Variants in TENM4 observed in about 807,000 individuals in gnomAD.
The protein encoded by TENM4 is teneurin transmembrane protein 4, also known as teneurin-4.
In TENM4, 82 loss-of-function variants were observed where a neutral mutation model predicts 243.3. That is an observed-to-expected ratio of 0.34 (90% CI 0.28 to 0.40). TENM4 has a LOEUF of 0.40. Ranked by LOEUF, TENM4 falls within the 10% of genes least tolerant of loss-of-function variation. The probability of loss-of-function intolerance (pLI) is 1.00; values close to 1 mark genes in which losing one functional copy is unlikely to be tolerated. For synonymous variants in TENM4, 1,412 were observed against 1,456.3 expected, an observed-to-expected ratio of 0.97 and a Z score of 0.69; for missense variants, 3,138 against 3,673.3, an observed-to-expected ratio of 0.85 and a Z score of 3.77.
At chr11:79,314,141 G>A (rs1856766386) in intron 1 of TENM4, among the ~76,000 whole-genome samples, 1 of 152,124 alleles carries the variant, frequency 6.6e-6, no homozygotes, top group South Asian at 2.1e-4. Flanking sequence ...AGAATGTGTG[G>A]CCTTGCAAGA....
intron 24 of TENM4, among the ~76,000 whole-genome samples, 151 bp from the exon 25 acceptor site, chr11:78,720,541 T>G (rs569080426): frequency 6.6e-6 from 1 of 152,350 alleles, no homozygotes; most frequent in Non-Finnish European, 1.5e-5. Flanking sequence ...CACTGATGTA[T>G]TTTATATTGG....
At chr11:79,219,431 T>C (rs753927794) in intron 2 of TENM4, among the ~76,000 whole-genome samples, 5 of 152,182 alleles carry the variant, frequency 3.3e-5, no homozygotes, top group Non-Finnish European at 5.9e-5. Flanking sequence ...CCTTGCACAA[T>C]ATGAATTGGA....
chr11:78,704,124 T>C (rs946472901), intron 27 of TENM4, among the ~76,000 whole-genome samples: 1 of 145,424 alleles, frequency 6.9e-6, no homozygotes, highest in African/African-American at 2.6e-5. Flanking sequence ...TATATATATA[T>C]ATACACGTGT....
At chr11:79,141,323 T>C (rs1862280618) in intron 4 of TENM4, among the ~76,000 whole-genome samples, 1 of 152,070 alleles carries the variant, frequency 6.6e-6, no homozygotes, top group African/African-American at 2.4e-5. Flanking sequence ...CAACTGACAC[T>C]GCATAAATTC....
chr11:79,397,873 G>A (rs1369660890), intron 1 of TENM4, among the ~76,000 whole-genome samples: 2 of 152,166 alleles, frequency 1.3e-5, no homozygotes, highest in African/African-American at 4.8e-5. Flanking sequence ...AATAGAGGTT[G>A]CATGGTAGAA....
At chr11:79,327,031 T>C (rs1459341417) in intron 1 of TENM4, among the ~76,000 whole-genome samples, 4 of 152,230 alleles carry the variant, frequency 2.6e-5, no homozygotes, top group African/African-American at 9.6e-5. Flanking sequence ...AAGAGCTCAA[T>C]TAAATATATG....
At chr11:78,756,758 G>A (rs759371028) in intron 19 of TENM4, 47 bp downstream of exon 19, 1 of 1,548,804 alleles carries the variant, frequency 6.5e-7, no homozygotes, top group Non-Finnish European at 8.8e-7. Context: ...GAGTGATTCA[G>A]TTCTCCCTCA....
rs1357819263 is a variant in TENM4 at position 79,259,656 on chromosome 11, TCTATCC to T, written c.-265+37826_-265+37831del. 4.8e-3 allele frequency among the ~76,000 whole-genome samples: 606 copies of T among 125,844 alleles called. 2 individuals are homozygous for T. The highest frequency in any genetic ancestry group is 7.9e-3 in the Admixed American group (100 of 12,672). 82.6% of individuals were successfully genotyped at this position (125,844 alleles called of 152,430 possible). ...ACTCCCCCATCCATCCATCCATCCA[TCTATCC>T]ATCCATCCATCCATCCATCCATCCA... is the stretch of plus-strand genomic sequence containing the variant. On this transcript the variant is annotated intron_variant, in intron 2 of 33. Coordinates refer to ENST00000278550, the MANE Select transcript of TENM4 (RefSeq NM_001098816.3).
chr11:79,361,323 C>CTCTG (rs1565314869), intron 1 of TENM4, among the ~76,000 whole-genome samples: 1 of 152,168 alleles, frequency 6.6e-6, no homozygotes, highest in Non-Finnish European at 1.5e-5. Context: ...TTCTTACCAG[C>CTCTG]CTCAAATACA....
At chr11:79,396,997 C>A (rs1256332230) in intron 1 of TENM4, among the ~76,000 whole-genome samples, 1 of 152,180 alleles carries the variant, frequency 6.6e-6, no homozygotes, top group African/African-American at 2.4e-5. Flanking sequence ...AGCACTGTGT[C>A]AAGGGGGCTT....
intron 7 of TENM4, among the ~76,000 whole-genome samples, chr11:78,903,036 T>C (rs1268621166): frequency 6.6e-6 from 1 of 152,098 alleles, no homozygotes; most frequent in Non-Finnish European, 1.5e-5. Context: ...TCTAGCAACT[T>C]GGCCAAGGTC....
chr11:78,937,280 G>T (rs1213683387), intron 6 of TENM4, among the ~76,000 whole-genome samples: 3 of 152,150 alleles, frequency 2.0e-5, no homozygotes, highest in African/African-American at 7.2e-5. Context: ...TAGAAAGAGA[G>T]ATCGTGCTAC....
Position 78,822,396 on chromosome 11 carries a change from G to C in TENM4, c.1682-8001C>G, listed in dbSNP as rs548777314. The stretch of plus-strand genomic sequence containing the variant: ...ACTCTAGCTCAGGAAGTGTTCCAGT[G>C]AAGTGGATGGCTTTAGTGATTGGTC... On this transcript the variant is annotated intron_variant, in intron 12 of 33. Coordinates refer to ENST00000278550, the MANE Select transcript of TENM4 (RefSeq NM_001098816.3). Among the ~76,000 whole-genome samples the C allele has an allele frequency of 2.0e-5, 3 of 152,346 alleles. No individual in the cohort carries two copies. The East Asian group carries it at 5.8e-4, about 29-fold the overall frequency.
At chr11:79,252,029 G>T (rs1316577063) in intron 2 of TENM4, among the ~76,000 whole-genome samples, 1 of 151,964 alleles carries the variant, frequency 6.6e-6, no homozygotes, top group African/African-American at 2.4e-5. Flanking sequence ...TTCAAAAGGA[G>T]AAAATGAGGG....
chr11:78,836,049 G>C (rs1858103028), intron 12 of TENM4, among the ~76,000 whole-genome samples: 1 of 152,206 alleles, frequency 6.6e-6, no homozygotes, highest in Admixed American at 6.5e-5. Context: ...TGTGATCTTG[G>C]ACCAGTGAGA....
At chr11:78,691,297 A>T (rs1013958090) in intron 28 of TENM4, among the ~76,000 whole-genome samples, 1 of 152,210 alleles carries the variant, frequency 6.6e-6, no homozygotes, top group Admixed American at 6.5e-5. Flanking sequence ...CTCTCAGTTC[A>T]TCTCTGCTTC....
chr11:79,331,570 A>T (rs768491220), intron 1 of TENM4, among the ~76,000 whole-genome samples: 2 of 152,216 alleles, frequency 1.3e-5, no homozygotes, highest in Non-Finnish European at 2.9e-5. Flanking sequence ...TCTACCGGAT[A>T]CAGTGTCCCC....
chr11:79,347,734 T>C (rs966519128), intron 1 of TENM4, among the ~76,000 whole-genome samples: 7 of 148,164 alleles, frequency 4.7e-5, no homozygotes, highest in Non-Finnish European at 1.0e-4. Flanking sequence ...GTAGTATAAA[T>C]CAGATGTTTA....
chr11:78,851,879 A>G (rs1347372184), intron 12 of TENM4, among the ~76,000 whole-genome samples: 1 of 152,218 alleles, frequency 6.6e-6, no homozygotes, highest in Non-Finnish European at 1.5e-5. Context: ...AAAAACTAAG[A>G]GCTGGGAACC....
Sources: allele counts gnomAD v4.1 joint callset (sites outside exome capture counted in the v4.1 genomes callset), GRCh38; gene constraint gnomAD v4.1.1; transcripts MANE v1.5; gene names NCBI Gene and HGNC (gene_info 2026-07-23, HGNC 2026-07-21).